The following RAB5A variants were observed in gnomAD, a reference collection of about 807,000 sequenced individuals.
The protein encoded by RAB5A is RAB5A, member RAS oncogene family, also known as ras-related protein Rab-5A.
A neutral mutation model predicts 25.7 loss-of-function variants in RAB5A; 8 were observed. The observed-to-expected ratio is 0.31, with a 90% CI of 0.18 to 0.56. The LOEUF (loss-of-function observed/expected upper bound fraction) is 0.56. Ranked by LOEUF, RAB5A falls within the 20% of genes least tolerant of loss-of-function variation. The pLI, the probability that RAB5A is intolerant of heterozygous loss-of-function variation, is 0.91. For synonymous variants in RAB5A, 98 were observed against 89.8 expected (o/e 1.09, Z -0.52); for missense variants, 192 against 259.7 (o/e 0.74, Z 1.79).
At chr3:19,948,943 AT>A (rs960382974) in intron 1 of RAB5A, among the ~76,000 whole-genome samples, 1 of 152,072 alleles carries the variant, frequency 6.6e-6, no homozygotes, top group Non-Finnish European at 1.5e-5. Flanking sequence ...ATATTTTATC[AT>A]TTTCTTATCA....
At chr3:19,956,062 C>T (rs1007450294) in intron 2 of RAB5A, among the ~76,000 whole-genome samples, 4 of 152,172 alleles carry the variant, frequency 2.6e-5, no homozygotes, top group African/African-American at 9.7e-5. Context: ...CAAGAGTATT[C>T]TGCTTTTTCT....
intron 2 of RAB5A, among the ~76,000 whole-genome samples, chr3:19,967,294 G>A (rs532724459): frequency 4.7e-4 from 71 of 152,092 alleles, no homozygotes; most frequent in Admixed American, 1.2e-3. Context: ...ACAGGCAACC[G>A]CCACCACGTC....
Position 19,963,371 on chromosome 3 carries a change from C to G in RAB5A, c.164-12230C>G, listed in dbSNP as rs1278529784. Among the ~76,000 whole-genome samples the G allele has an allele frequency of 2.5e-5, 3 of 117,852 alleles. 1 individual carries two copies. The highest frequency in any genetic ancestry group is 5.1e-5 in the Non-Finnish European group (3 of 58,292). The allele number at this position is 117,852 out of a possible 152,430, so 77.3% of individuals were successfully genotyped here. The stretch of plus-strand genomic sequence containing the variant: ...GGGATATCTTAGAATTTCACCCCCC[C>G]CCCCCCCGACTTATTTTCGTAAGAT... On this transcript the variant is annotated intron_variant, in intron 2 of 5. Coordinates refer to ENST00000273047, the MANE Select transcript of RAB5A (RefSeq NM_004162.5).
chr3:19,967,147 ATTT>A (rs11362045), intron 2 of RAB5A, among the ~76,000 whole-genome samples: 1 of 140,154 alleles, frequency 7.1e-6, no homozygotes. Flanking sequence ...TCCTTTGTCC[ATTT>A]TTTTTTTTTT....
intron 1 of RAB5A, among the ~76,000 whole-genome samples, chr3:19,949,019 T>C (rs932771246): frequency 1.3e-5 from 2 of 152,220 alleles, no homozygotes; most frequent in African/African-American, 4.8e-5. Context: ...ACATGTATTG[T>C]TTTATTTAAT....
chr3:19,961,153 T>G (rs1696579276), intron 2 of RAB5A, among the ~76,000 whole-genome samples: 1 of 152,222 alleles, frequency 6.6e-6, no homozygotes, highest in Non-Finnish European at 1.5e-5. Flanking sequence ...TTATAATAAT[T>G]ACTTGTTATG....
In RAB5A at chr3:19,985,071, G is replaced by GGA. The variant is rs1391136428; in HGVS notation, c.*1251_*1252dup. ...AATCTATTTAAGTGTTGGACTGCTA[G>GGA]GAGAACTTGTACATTTATGATAATG... On this transcript the variant is annotated 3_prime_UTR_variant, in exon 6 of 6. Coordinates refer to ENST00000273047, the MANE Select transcript of RAB5A (RefSeq NM_004162.5). The GGA allele has an allele frequency of 3.8e-6, 1 of 262,934 alleles. No individual in the cohort carries two copies. Among genetic ancestry groups the GGA allele is most frequent in the African/African-American group, 2.3e-5 (1 of 44,150 alleles). The allele number at this position is 262,934 out of a possible 1,614,324, so 16.3% of individuals were successfully genotyped here.
rs1007804178 is a variant in RAB5A at position 19,951,147 on chromosome 3, A to T, written c.163+86A>T. 3.2e-5 allele frequency: 47 copies of T among 1,464,198 alleles called. No homozygotes were observed. The Admixed American group carries it at 8.2e-4, about 25-fold the overall frequency. 90.7% of individuals were successfully genotyped at this position (1,464,198 alleles called of 1,614,324 possible). A position where few individuals can be genotyped will look rare whatever the true frequency, so the allele number is the denominator to read the frequency against. On this transcript the variant is annotated intron_variant, in intron 2 of 5. Coordinates refer to ENST00000273047, the MANE Select transcript of RAB5A (RefSeq NM_004162.5). The stretch of plus-strand genomic sequence containing the variant: ...TGATGTTCCAATTGTGTGATTATGA[A>T]TAGCTAAATAAGTCATAGAGTGAAG...
Position 19,948,198 on chromosome 3 carries a change from A to G in RAB5A, c.-94+677A>G, listed in dbSNP as rs1364783028. ...TTGCTCTGGCGTTATCTTCCCTGGA[A>G]GCTGCTTACCTCTGAGACTTTCAAA... is the stretch of plus-strand genomic sequence containing the variant. On this transcript the variant is annotated intron_variant, in intron 1 of 5. Coordinates refer to ENST00000273047, the MANE Select transcript of RAB5A (RefSeq NM_004162.5). Among the ~76,000 whole-genome samples, 4 of 152,216 alleles carry G rather than the reference A, an allele frequency of 2.6e-5. No individual in the cohort carries two copies. In the East Asian group the frequency reaches 7.7e-4, roughly 29 times the overall value.
At chr3:19,951,082 T>C (rs1479759728) in intron 2 of RAB5A, 21 bp downstream of exon 2, 1 of 1,608,042 alleles carries the variant, frequency 6.2e-7, no homozygotes, top group South Asian at 1.1e-5. Flanking sequence ...CTTTTTTCCC[T>C]GCTTCATTTA....
At chr3:19,966,773 TC>T (rs1276183775) in intron 2 of RAB5A, among the ~76,000 whole-genome samples, 2 of 152,226 alleles carry the variant, frequency 1.3e-5, no homozygotes, top group African/African-American at 4.8e-5. Flanking sequence ...ATATTGAACA[TC>T]TTTCCATGTG....
chr3:19,964,759 A>G (rs1225998446), intron 2 of RAB5A, among the ~76,000 whole-genome samples: 1 of 152,084 alleles, frequency 6.6e-6, no homozygotes, highest in Non-Finnish European at 1.5e-5. Context: ...CTACAGGCGC[A>G]TGTCACCACG....
At chr3:19,979,821 C>T (rs1696888410) in intron 5 of RAB5A, 1 of 152,032 alleles carries the variant, frequency 6.6e-6, no homozygotes, top group African/African-American at 2.4e-5. Context: ...GCCCAGCACT[C>T]TTCTCATCCC....
intron 4 of RAB5A, among the ~76,000 whole-genome samples, chr3:19,977,493 A>AT (rs1187227772): frequency 6.6e-6 from 1 of 152,224 alleles, no homozygotes; most frequent in Non-Finnish European, 1.5e-5. Context: ...GATGACGTAG[A>AT]TGGAATCCAT....
At chr3:19,947,585 A>C (rs1042864706) in intron 1 of RAB5A, 64 bp downstream of exon 1, 1 of 152,248 alleles carries the variant, frequency 6.6e-6, no homozygotes, top group Non-Finnish European at 1.5e-5. Flanking sequence ...CGCGGTCCCC[A>C]GCCTGTCCGC....
chr3:19,976,076 T>C lies in RAB5A; in HGVS notation c.345T>C (p.Val115=), dbSNP rs1290998408. 6.2e-7 allele frequency: 1 copy of C among 1,612,794 alleles called. No homozygotes were observed. The highest frequency in any genetic ancestry group is 1.1e-5 in the South Asian group (1 of 90,724). The change falls in exon 4 of 6, where the codon GTT becomes GTC. Residue 115 remains valine (V), a synonymous_variant. Transcript: ENST00000273047. The part of the protein sequence containing the change: ...EESFARAKNW[V]KELQRQASPN... ...CCTTTGCAAGAGCAAAAAATTGGGT[T>C]AAAGAACTTCAGAGGCAAGCAAGTC...
chr3:19,967,875 A>G (rs181412790), intron 2 of RAB5A, among the ~76,000 whole-genome samples: 8 of 152,246 alleles, frequency 5.3e-5, no homozygotes, highest in African/African-American at 1.7e-4. Context: ...TGCTTCCTGT[A>G]TACACACACT....
chr3:19,948,483 A>G (rs1157277433), intron 1 of RAB5A, among the ~76,000 whole-genome samples: 1 of 152,230 alleles, frequency 6.6e-6, no homozygotes, highest in African/African-American at 2.4e-5. Flanking sequence ...GAACCCTTAG[A>G]AGGATTTTAA....
At chr3:19,954,101 A>G (rs1402515616) in intron 2 of RAB5A, among the ~76,000 whole-genome samples, 1 of 151,988 alleles carries the variant, frequency 6.6e-6, no homozygotes, top group East Asian at 1.9e-4. Context: ...TGCAACCTCT[A>G]CTTCCCAGGT....
Sources: allele counts gnomAD v4.1 joint callset (sites outside exome capture counted in the v4.1 genomes callset), GRCh38; gene constraint gnomAD v4.1.1; transcripts MANE v1.5; gene names NCBI Gene and HGNC (gene_info 2026-07-23, HGNC 2026-07-21).